ZDHHC14: variants seen among roughly 807,000 people sequenced by gnomAD.
ZDHHC14 encodes the protein zDHHC palmitoyltransferase 14, also known as palmitoyltransferase ZDHHC14.
In ZDHHC14, 16 loss-of-function variants were observed where a neutral mutation model predicts 47.7. The ratio of observed to expected loss-of-function variants is 0.34; its 90% CI spans 0.23 to 0.51. ZDHHC14 has a LOEUF of 0.51. Ranked by LOEUF, ZDHHC14 falls within the 20% of genes least tolerant of loss-of-function variation. The pLI is 0.97. For missense variants in ZDHHC14, 515 were observed against 662.5 expected (o/e 0.78, Z 2.44); for synonymous variants, 293 against 278.9 (o/e 1.05, Z -0.50).
intron 1 of ZDHHC14, among the ~76,000 whole-genome samples, chr6:157,476,614 A>G (rs370797770): frequency 2.6e-5 from 4 of 152,332 alleles, no homozygotes; most frequent in Admixed American, 1.3e-4. Flanking sequence ...AAAGAAAATT[A>G]CAGACCAATA....
chr6:157,591,956 G>T (rs1428856671), intron 2 of ZDHHC14, among the ~76,000 whole-genome samples: 1 of 152,134 alleles, frequency 6.6e-6, no homozygotes, highest in Non-Finnish European at 1.5e-5. Context: ...TCTCATGGAA[G>T]TTCTTGATCT....
chr6:157,534,904 C>T (rs1781487016), intron 1 of ZDHHC14, among the ~76,000 whole-genome samples: 1 of 152,178 alleles, frequency 6.6e-6, no homozygotes, highest in African/African-American at 2.4e-5. Flanking sequence ...TTAAATGCAA[C>T]TCAGAATCAC....
In ZDHHC14 at chr6:157,554,859, C is replaced by G. The variant is rs555537042; in HGVS notation, c.406+12114C>G. Reference sequence around the variant, plus strand: ...ATGCCTATGACTCTCATCAGCCTTGCCTCAGCTGTTGACTTCTTGGGCAGG... The same window carrying G: ...ATGCCTATGACTCTCATCAGCCTTGGCTCAGCTGTTGACTTCTTGGGCAGG... On this transcript the variant is annotated intron_variant, in intron 2 of 8. Coordinates refer to ENST00000359775, the MANE Select transcript of ZDHHC14 (RefSeq NM_024630.3). Among the ~76,000 whole-genome samples, 39 of 152,336 alleles carry G rather than the reference C, an allele frequency of 2.6e-4. No homozygotes were observed. The South Asian group carries it at 6.8e-3, about 27-fold the overall frequency.
At position 157,381,324 on chromosome 6, in the gene ZDHHC14, CCCCGCGCGGGGGCCGCGGATT is replaced by C. The variant is rs1166315923; in HGVS notation, c.-696_-676del. 2.6e-5 allele frequency: 4 copies of C among 151,910 alleles called. No individual in the cohort carries two copies. The highest frequency in any genetic ancestry group is 4.4e-5 in the Non-Finnish European group (3 of 68,536). 9.4% of individuals were successfully genotyped at this position (151,910 alleles called of 1,614,324 possible). On this transcript the variant is annotated 5_prime_UTR_variant, in exon 1 of 9. Transcript: ENST00000359775. ...CCGCCGCCGCCCTCGGCCCGCGCAT[CCCCGCGCGGGGGCCGCGGATT>C]CGACTAGGCTGCCAGGCGCAGCGAC...
intron 2 of ZDHHC14, among the ~76,000 whole-genome samples, chr6:157,571,675 G>A (rs1352397899): frequency 6.6e-6 from 1 of 151,724 alleles, no homozygotes; most frequent in Non-Finnish European, 1.5e-5. Context: ...CTTGTATGGT[G>A]TACAAACCTG....
chr6:157,408,451 C>T (rs1184267656), intron 1 of ZDHHC14, among the ~76,000 whole-genome samples: 1 of 152,154 alleles, frequency 6.6e-6, no homozygotes, highest in East Asian at 1.9e-4. Flanking sequence ...TGATGCTCTC[C>T]CTCCACGCCC....
chr6:157,627,449 A>T (rs1000550418), intron 3 of ZDHHC14, among the ~76,000 whole-genome samples: 1 of 152,188 alleles, frequency 6.6e-6, no homozygotes, highest in African/African-American at 2.4e-5. Context: ...TCAATAGAAG[A>T]TCAGCTGAGT....
chr6:157,654,844 T>C (rs1289725422), intron 8 of ZDHHC14, among the ~76,000 whole-genome samples: 1 of 151,964 alleles, frequency 6.6e-6, no homozygotes, highest in Non-Finnish European at 1.5e-5. Context: ...CAAGCGATTC[T>C]CCTGCCTCAG....
At chr6:157,498,448 TC>T (rs1780122282) in intron 1 of ZDHHC14, among the ~76,000 whole-genome samples, 1 of 152,062 alleles carries the variant, frequency 6.6e-6, no homozygotes, top group African/African-American at 2.4e-5. Context: ...AGAATATTGA[TC>T]AAATTGATGA....
intron 5 of ZDHHC14, 67 bp downstream of exon 5, chr6:157,632,949 G>A (rs376256988): frequency 2.0e-5 from 30 of 1,516,466 alleles, no homozygotes; most frequent in South Asian, 4.5e-5. Context: ...CCTTCTGTGC[G>A]CACACCTCCT....
At chr6:157,594,576 G>C (rs771420192) in intron 3 of ZDHHC14, among the ~76,000 whole-genome samples, 3 of 152,220 alleles carry the variant, frequency 2.0e-5, no homozygotes, top group Non-Finnish European at 4.4e-5. Context: ...CAGACGCTCT[G>C]TGATTGTTAG....
chr6:157,588,291 A>G (rs1416252238), intron 2 of ZDHHC14, among the ~76,000 whole-genome samples: 1 of 151,504 alleles, frequency 6.6e-6, no homozygotes, highest in Non-Finnish European at 1.5e-5. Flanking sequence ...ATAAATAAAT[A>G]ATTTAAAAAA....
intron 8 of ZDHHC14, among the ~76,000 whole-genome samples, chr6:157,672,517 G>A (rs1778841460): frequency 6.6e-6 from 1 of 152,070 alleles, no homozygotes; most frequent in African/African-American, 2.4e-5. Flanking sequence ...TTGAGCAGAG[G>A]CAATTGCAGC....
intron 2 of ZDHHC14, among the ~76,000 whole-genome samples, chr6:157,571,735 C>T (rs1232541511): frequency 6.6e-6 from 1 of 151,650 alleles, no homozygotes; most frequent in Non-Finnish European, 1.5e-5. Flanking sequence ...ATATTCTTAG[C>T]CCCTCCTGCA....
chr6:157,546,706 C>T (rs2135211), intron 2 of ZDHHC14, among the ~76,000 whole-genome samples: 61,466 of 151,682 alleles, frequency 0.41, 12,468 homozygotes, highest in Admixed American at 0.45. Context: ...ATGATCTGAT[C>T]GTAAGCAACT....
At chr6:157,431,687 C>T (rs912683433) in intron 1 of ZDHHC14, among the ~76,000 whole-genome samples, 1 of 152,032 alleles carries the variant, frequency 6.6e-6, no homozygotes, top group Admixed American at 6.6e-5. Context: ...AAAGAAGTTA[C>T]CTGGCATTTT....
intron 8 of ZDHHC14, among the ~76,000 whole-genome samples, chr6:157,654,180 G>A (rs998740962): frequency 5.3e-5 from 8 of 152,166 alleles, no homozygotes; most frequent in South Asian, 2.1e-4. Flanking sequence ...CACATCTCAC[G>A]CTTTCTTCGA....
intron 3 of ZDHHC14, among the ~76,000 whole-genome samples, chr6:157,625,192 G>A (rs1055947408): frequency 3.3e-5 from 5 of 152,154 alleles, no homozygotes; most frequent in Non-Finnish European, 5.9e-5. Flanking sequence ...GACCATAGCA[G>A]ATGATTTCAG....
intron 2 of ZDHHC14, among the ~76,000 whole-genome samples, chr6:157,563,123 G>A (rs1459072353): frequency 3.9e-5 from 6 of 152,212 alleles, no homozygotes; most frequent in Non-Finnish European, 7.3e-5. Context: ...TCCTGGAGGT[G>A]GTAACTAAGG....
Sources: allele counts gnomAD v4.1 joint callset (sites outside exome capture counted in the v4.1 genomes callset), GRCh38; gene constraint gnomAD v4.1.1; transcripts MANE v1.5; gene names NCBI Gene and HGNC (gene_info 2026-07-23, HGNC 2026-07-21).